Variants in LCMT2 observed in about 807,000 individuals in gnomAD.
LCMT2 encodes leucine carboxyl methyltransferase 2.
LCMT2 carries 34 observed loss-of-function variants against 42.0 expected under a neutral mutation model. The observed-to-expected ratio is 0.81, with a 90% CI of 0.62 to 1.08. The LOEUF is 1.08. LCMT2 is among the 50% of genes least tolerant of loss of function. The pLI, the probability that LCMT2 is intolerant of heterozygous loss-of-function variation, is 0.00. For missense variants in LCMT2, 1,091 were observed against 889.4 expected, an observed-to-expected ratio of 1.23 and a Z score of -2.88; for synonymous variants, 445 against 369.5, an observed-to-expected ratio of 1.20 and a Z score of -2.34.
rs2043129107 is a variant in LCMT2, at chr15:43,328,316, G to A, written c.*113C>T. 1 of 1,196,050 alleles carries A rather than the reference G, an allele frequency of 8.4e-7. No homozygotes were observed. The highest frequency in any genetic ancestry group is 1.2e-6 in the Non-Finnish European group (1 of 847,704). 74.1% of individuals were successfully genotyped at this position (1,196,050 alleles called of 1,614,324 possible). ...CACTTTTTGCACTGAATAGTGCTAA[G>A]GGAAAAAAAGGATGGGGAAAGGAGG... is the stretch of plus-strand genomic sequence containing the variant. On this transcript the variant is annotated 3_prime_UTR_variant, in exon 1 of 1. Transcript: ENST00000305641.
rs1456850616 is a variant in LCMT2, at chr15:43,330,279, A to G, written c.211T>C (p.Leu71=). 1.3e-6 allele frequency: 2 copies of G among 1,595,886 alleles called. No individual in the cohort carries two copies. ...GCCTGGGGCGCGCCAATCTGCTCCAAAAAAGCGCGCACGCAGTGCCTCACG... is the reference window on the plus strand; with the variant it reads ...GCCTGGGGCGCGCCAATCTGCTCCAGAAAAGCGCGCACGCAGTGCCTCACG... ...RAVRHCVRAF[L]EQIGAPQAAL... is the part of the protein sequence containing the mutation. Residue 71 remains leucine, a synonymous_variant, in exon 1 of 1, where the codon TTG becomes CTG. Coordinates refer to ENST00000305641, the MANE Select transcript of LCMT2 (RefSeq NM_014793.5).
At position 43,329,909 on chromosome 15, in the gene LCMT2, A is replaced by G. The variant is rs2043159999; in HGVS notation, c.581T>C (p.Leu194Pro). The G allele has an allele frequency of 6.2e-7, 1 of 1,612,852 alleles. No homozygotes were observed. ...LLLAEAVLTY[L>P]EPESAAALIA... is the part of the protein sequence containing the mutation. ...GAGGGCCGCGGCACTCTCCGGCTCG[A>G]GGTAGGTCAGCACCGCCTCGGCCAG... Residue 194 changes from leucine (L) to proline (P), a missense_variant, in exon 1 of 1, where the codon CTC becomes CCC. Leu to Pro is a moderately conservative substitution (Grantham distance 98). Coordinates refer to ENST00000305641, the MANE Select transcript of LCMT2 (RefSeq NM_014793.5).
In LCMT2 at chr15:43,330,345, C is replaced by T; in HGVS notation, c.145G>A (p.Ala49Thr). The T allele has an allele frequency of 2.5e-6, 4 of 1,580,174 alleles. No individual in the cohort carries two copies. Among genetic ancestry groups the T allele is most frequent in the Admixed American group, 1.7e-5 (1 of 57,222 alleles). The change falls in exon 1 of 1, where the codon GCA becomes ACA. Residue 49 changes from alanine to threonine, a missense_variant. By Grantham distance (58) the Ala-to-Thr change is moderately conservative (BLOSUM62 0). Transcript: ENST00000305641. ...ALLVPGAARR[A>T]PLIHRGYYVR... ...TAGTAGCCTCGGTGAATGAGCGGTG[C>T]GCGGCGCGCCGCGCCCGGAACCAGC...
Position 43,330,208 on chromosome 15 carries a change from C to A in LCMT2, c.282G>T (p.Ser94=). 1 of 1,611,368 alleles carries A rather than the reference C, an allele frequency of 6.2e-7. No individual in the cohort carries two copies. Among genetic ancestry groups the A allele is most frequent in the Non-Finnish European group, 8.5e-7 (1 of 1,179,804 alleles). Residue 94 remains serine, a synonymous_variant, in exon 1 of 1, where the codon TCG becomes TCT. Coordinates refer to ENST00000305641, the MANE Select transcript of LCMT2 (RefSeq NM_014793.5). ...CCGCGGTTTTTAAGCGAAAATAGAG[C>A]GAGTCGAAGCCAGCGCCGAGAGACA... ...QILSLGAGFD[S]LYFRLKTAGR...
Position 43,326,326 on chromosome 15 carries a change from C to G in LCMT2, c.*2103G>C, listed in dbSNP as rs1041042333. 11 of 152,316 alleles carry G rather than the reference C, an allele frequency of 7.2e-5. No individual in the cohort carries two copies. The highest frequency in any genetic ancestry group is 3.4e-3 in the Middle Eastern group (1 of 294). 9.4% of individuals were successfully genotyped at this position (152,316 alleles called of 1,614,324 possible). ...GTTTTCTACTACCTGGCCCACTGAT[C>G]GCCTTGCCAGATGTCTTCCCAGCTG... On this transcript the variant is annotated 3_prime_UTR_variant, in exon 1 of 1. Transcript: ENST00000305641.
rs1175076260 is a variant in LCMT2, at chr15:43,330,459, C to G, written c.31G>C (p.Gly11Arg). 6.5e-7 allele frequency: 1 copy of G among 1,527,776 alleles called. No individual in the cohort carries two copies. Among genetic ancestry groups the G allele is most frequent in the African/African-American group, 1.4e-5 (1 of 71,640 alleles). The allele number at this position is 1,527,776 out of a possible 1,614,324, so 94.6% of individuals were successfully genotyped here. ...CTGTCGTTGGTGTTCTGTACCGCGC[C>G]TGCCCGACGCTCACGGCTCCGGGGG... Reference protein sequence around the residue: MGPRSRERRAGAVQNTNDSSA... With the variant: MGPRSRERRARAVQNTNDSSA... The change falls in exon 1 of 1, where the codon GGC becomes CGC. Residue 11 changes from glycine to arginine, a missense_variant. By Grantham distance (125) the Gly-to-Arg change is moderately radical (BLOSUM62 -2). Coordinates refer to ENST00000305641, the MANE Select transcript of LCMT2 (RefSeq NM_014793.5).
At position 43,329,036 on chromosome 15, in the gene LCMT2, G is replaced by A. The variant is rs144358240; in HGVS notation, c.1454C>T (p.Thr485Ile). Residue 485 changes from threonine (T) to isoleucine (I), a missense_variant, in exon 1 of 1, where the codon ACA (threonine) becomes ATA (isoleucine). Coordinates refer to ENST00000305641, the MANE Select transcript of LCMT2 (RefSeq NM_014793.5). ...TTCCTGATTCTGACAGGACACTTCT[G>A]TTGTTGAATGCCGCCAACAACACAA... ...STLCCWRHST[T>I]EVSCQNQEYL... is the part of the protein sequence containing the mutation. 1 of 1,614,168 alleles carries A rather than the reference G, an allele frequency of 6.2e-7. No homozygotes were observed. The highest frequency in any genetic ancestry group is 2.2e-5 in the East Asian group (1 of 44,892).
Position 43,328,983 on chromosome 15 carries a change from C to A in LCMT2, c.1507G>T (p.Val503Leu), listed in dbSNP as rs1362073591. Residue 503 changes from valine to leucine, a missense_variant, in exon 1 of 1, where the codon GTG becomes TTG. Transcript: ENST00000305641. ...EYLFVYGGRSVVEPVLSDWHF... is the reference protein window; with the variant it reads ...EYLFVYGGRSLVEPVLSDWHF... The stretch of plus-strand genomic sequence containing the variant: ...CAGTCACTTAGTACAGGTTCCACCA[C>A]GCTTCGACCCCCATACACAAACAAA... The A allele has an allele frequency of 1.2e-6, 2 of 1,614,090 alleles. No individual in the cohort carries two copies. The highest frequency in any genetic ancestry group is 1.7e-6 in the Non-Finnish European group (2 of 1,180,042).
In LCMT2 at chr15:43,328,425, GTC is replaced by G. The variant is rs779411359; in HGVS notation, c.*2_*3del. Reference sequence around the variant, plus strand: ...TTAGTGGGTCCTGAATATTAGTCCAGTCCTTACTGCCCAGCACTTAAGGAAGA... The same window carrying G: ...TTAGTGGGTCCTGAATATTAGTCCAGCTTACTGCCCAGCACTTAAGGAAGA... On this transcript the variant is annotated 3_prime_UTR_variant, in exon 1 of 1. Transcript: ENST00000305641. 1 of 1,611,052 alleles carries G rather than the reference GTC, an allele frequency of 6.2e-7. No homozygotes were observed. Among genetic ancestry groups the G allele is most frequent in the Admixed American group, 1.7e-5 (1 of 59,852 alleles).
chr15:43,329,812 G>T lies in LCMT2; in HGVS notation c.678C>A (p.Ala226=). 6.2e-7 allele frequency: 1 copy of T among 1,613,974 alleles called. No individual in the cohort carries two copies. The highest frequency in any genetic ancestry group is 8.5e-7 in the Non-Finnish European group (1 of 1,180,044). The part of the protein sequence containing the change: ...VVYEQMRPQD[A]FGQFMLQHFR... ...AATGTTGCAGCATGAACTGGCCAAAGGCGTCTTGAGGCCTCATCTGCTCAT... is the reference window on the plus strand; with the variant it reads ...AATGTTGCAGCATGAACTGGCCAAATGCGTCTTGAGGCCTCATCTGCTCAT... Residue 226 remains alanine (A), a synonymous_variant, in exon 1 of 1, where the codon GCC becomes GCA. Coordinates refer to ENST00000305641, the MANE Select transcript of LCMT2 (RefSeq NM_014793.5).
At position 43,328,979 on chromosome 15, in the gene LCMT2, A is replaced by C. The variant is rs770906732; in HGVS notation, c.1511T>G (p.Val504Gly). 1.2e-6 allele frequency: 2 copies of C among 1,613,254 alleles called. No homozygotes were observed. Among genetic ancestry groups the C allele is most frequent in the Non-Finnish European group, 1.7e-6 (2 of 1,179,196 alleles). The change falls in exon 1 of 1, where the codon GTG (valine) becomes GGG (glycine). Residue 504 changes from valine (V) to glycine (G), a missense_variant. By Grantham distance (109) the Val-to-Gly change is moderately radical (BLOSUM62 -3). Coordinates refer to ENST00000305641, the MANE Select transcript of LCMT2 (RefSeq NM_014793.5). Reference protein sequence around the residue: ...YLFVYGGRSVVEPVLSDWHFL... With the variant: ...YLFVYGGRSVGEPVLSDWHFL... ...ATGCCAGTCACTTAGTACAGGTTCC[A>C]CCACGCTTCGACCCCCATACACAAA... is the stretch of plus-strand genomic sequence containing the variant.
In LCMT2 at chr15:43,327,403, C is replaced by A. The variant is rs924685295; in HGVS notation, c.*1026G>T. 1.3e-5 allele frequency: 2 copies of A among 152,182 alleles called. No homozygotes were observed. The highest frequency in any genetic ancestry group is 2.9e-5 in the Non-Finnish European group (2 of 68,040). The allele number at this position is 152,182 out of a possible 1,614,324, so 9.4% of individuals were successfully genotyped here. A position where few individuals can be genotyped will look rare whatever the true frequency, so the allele number is the denominator to read the frequency against. On this transcript the variant is annotated 3_prime_UTR_variant, in exon 1 of 1. Transcript: ENST00000305641. The stretch of plus-strand genomic sequence containing the variant: ...ATTGGACAGTACAGTTCAGGTCTAG[C>A]AAAGAGCCATCACAACTCCTAGGCC...
rs763788911 is a variant in LCMT2, at chr15:43,329,567, A to G, written c.923T>C (p.Ile308Thr). 6.2e-7 allele frequency: 1 copy of G among 1,614,062 alleles called. No individual in the cohort carries two copies. Among genetic ancestry groups the G allele is most frequent in the Non-Finnish European group, 8.5e-7 (1 of 1,179,952 alleles). ...GGTGTCTCCCCTAGAAGCTGCCAGA[A>G]TGAAATAATGGGCGCACTTCAGATG... ...EWHLKCAHYF[I>T]LAASRGDTLS... The change falls in exon 1 of 1, where the codon ATT (isoleucine) becomes ACT (threonine). Residue 308 changes from isoleucine (I) to threonine (T), a missense_variant. Transcript: ENST00000305641.
chr15:43,329,178 A>G lies in LCMT2; in HGVS notation c.1312T>C (p.Ser438Pro). 6.2e-7 allele frequency: 1 copy of G among 1,614,080 alleles called. No individual in the cohort carries two copies. Among genetic ancestry groups the G allele is most frequent in the Non-Finnish European group, 8.5e-7 (1 of 1,180,024 alleles). ...SRVLVLGGRLSPVSPALGVLQ... is the reference protein window; with the variant it reads ...SRVLVLGGRLPPVSPALGVLQ... ...ACCCCCAAGGCTGGACTTACTGGGG[A>G]CAGTCTCCCTCCCAGAACCAGAACC... Residue 438 changes from serine to proline, a missense_variant, in exon 1 of 1, where the codon TCC (serine) becomes CCC (proline). Coordinates refer to ENST00000305641, the MANE Select transcript of LCMT2 (RefSeq NM_014793.5).
At position 43,329,155 on chromosome 15, in the gene LCMT2, C is replaced by T. The variant is rs767638371; in HGVS notation, c.1335G>A (p.Gly445=). Residue 445 remains glycine (G), a synonymous_variant, in exon 1 of 1, where the codon GGG becomes GGA. Transcript: ENST00000305641. ...TCTTAAAAAAATGAAGCTGGAGAACCCCCAAGGCTGGACTTACTGGGGACA... is the reference window on the plus strand; with the variant it reads ...TCTTAAAAAAATGAAGCTGGAGAACTCCCAAGGCTGGACTTACTGGGGACA... ...GRLSPVSPAL[G]VLQLHFFKSE... is the part of the protein sequence containing the mutation. 1 of 1,614,030 alleles carries T rather than the reference C, an allele frequency of 6.2e-7. No homozygotes were observed. Among genetic ancestry groups the T allele is most frequent in the South Asian group, 1.1e-5 (1 of 91,074 alleles).
Position 43,329,272 on chromosome 15 carries a change from G to T in LCMT2, c.1218C>A (p.Gly406=). The T allele has an allele frequency of 6.2e-7, 1 of 1,614,016 alleles. No individual in the cohort carries two copies. Among genetic ancestry groups the T allele is most frequent in the Non-Finnish European group, 8.5e-7 (1 of 1,180,026 alleles). ...CCCACTGAACTCCAGTCCCACAACTGCCTATTTGGCTGCCTTTCCATTCAG... is the reference window on the plus strand; with the variant it reads ...CCCACTGAACTCCAGTCCCACAACTTCCTATTTGGCTGCCTTTCCATTCAG... ...CDSEWKGSQI[G]SCGTGVQWDG... Residue 406 remains glycine (G), a synonymous_variant, in exon 1 of 1, where the codon GGC becomes GGA. Coordinates refer to ENST00000305641, the MANE Select transcript of LCMT2 (RefSeq NM_014793.5).
chr15:43,328,928 C>G lies in LCMT2; in HGVS notation c.1562G>C (p.Trp521Ser). 6.2e-7 allele frequency: 1 copy of G among 1,614,180 alleles called. No homozygotes were observed. The highest frequency in any genetic ancestry group is 8.5e-7 in the Non-Finnish European group (1 of 1,180,036). The change falls in exon 1 of 1, where the codon TGG (tryptophan) becomes TCG (serine). Residue 521 changes from tryptophan (W) to serine (S), a missense_variant. Trp to Ser is a radical substitution (Grantham distance 177). Coordinates refer to ENST00000305641, the MANE Select transcript of LCMT2 (RefSeq NM_014793.5). ...WHFLHVGTMA[W>S]VRIPVEGEVP... Reference sequence around the variant, plus strand: ...TTCTCCCTCCACTGGGATCCTGACCCAAGCCATTGTCCCTACATGGAGGAA... The same window carrying G: ...TTCTCCCTCCACTGGGATCCTGACCGAAGCCATTGTCCCTACATGGAGGAA...
chr15:43,325,565 T>A lies in LCMT2; in HGVS notation c.*2864A>T, dbSNP rs971302959. The A allele has an allele frequency of 6.6e-6, 1 of 152,170 alleles. No homozygotes were observed. The highest frequency in any genetic ancestry group is 1.5e-5 in the Non-Finnish European group (1 of 68,032). 9.4% of individuals were successfully genotyped at this position (152,170 alleles called of 1,614,324 possible). A position where few individuals can be genotyped will look rare whatever the true frequency, so the allele number is the denominator to read the frequency against. The stretch of plus-strand genomic sequence containing the variant: ...TAATCTGGTAATCACTTATAGGAAA[T>A]GTGGGTAATTTCTCTCGGGAGAACA... On this transcript the variant is annotated 3_prime_UTR_variant, in exon 1 of 1. Coordinates refer to ENST00000305641, the MANE Select transcript of LCMT2 (RefSeq NM_014793.5).
At position 43,328,392 on chromosome 15, in the gene LCMT2, T is replaced by C. The variant is rs368520294; in HGVS notation, c.*37A>G. The C allele has an allele frequency of 6.4e-7, 1 of 1,569,944 alleles. No individual in the cohort carries two copies. The highest frequency in any genetic ancestry group is 1.4e-5 in the African/African-American group (1 of 73,286). Reference sequence around the variant, plus strand: ...TCATCCTATTTGTGGAAAACTTTATTGTCTACTTTAGTGGGTCCTGAATAT... The same window carrying C: ...TCATCCTATTTGTGGAAAACTTTATCGTCTACTTTAGTGGGTCCTGAATAT... On this transcript the variant is annotated 3_prime_UTR_variant, in exon 1 of 1. Coordinates refer to ENST00000305641, the MANE Select transcript of LCMT2 (RefSeq NM_014793.5).
Sources: allele counts gnomAD v4.1 joint callset, GRCh38; gene constraint gnomAD v4.1.1; transcripts MANE v1.5; gene names NCBI Gene and HGNC (gene_info 2026-07-23, HGNC 2026-07-21).